Variants in ANK3 observed in about 807,000 individuals in gnomAD.
ANK3 encodes ankyrin-3.
In ANK3, 57 loss-of-function variants were observed where a neutral mutation model predicts 370.9. That is an observed-to-expected ratio of 0.15 (90% CI 0.12 to 0.19). The LOEUF (loss-of-function observed/expected upper bound fraction) is 0.19, where lower values mean the gene tolerates loss of function less well. Among genes scored for constraint, ANK3 ranks in the 10% least tolerant of loss-of-function variants. The pLI is 1.00. For synonymous variants in ANK3, 1,929 were observed against 1,946.3 expected, an observed-to-expected ratio of 0.99 and a Z score of 0.23; for missense variants, 4,439 against 5,302.1, an observed-to-expected ratio of 0.84 and a Z score of 5.06.
chr10:60,654,477 C>G (rs921568893), intron 1 of ANK3, among the ~76,000 whole-genome samples: 1 of 152,086 alleles, frequency 6.6e-6, no homozygotes, highest in Non-Finnish European at 1.5e-5. Context: ...TATTCCTTAT[C>G]TGTTGTGAGT....
chr10:60,246,844 C>T (rs1185064407), intron 7 of ANK3, among the ~76,000 whole-genome samples: 3 of 152,168 alleles, frequency 2.0e-5, no homozygotes, highest in African/African-American at 7.2e-5. Context: ...AAGATTCCCA[C>T]ACCTGCTTCT....
At chr10:60,202,688 C>T (rs2096703215) in intron 12 of ANK3, among the ~76,000 whole-genome samples, 1 of 152,152 alleles carries the variant, frequency 6.6e-6, no homozygotes, top group African/African-American at 2.4e-5. Flanking sequence ...AGGAGGATTG[C>T]TTGAAGCCAG....
At chr10:60,054,401 A>C (rs2078711254) in intron 42 of ANK3, among the ~76,000 whole-genome samples, 1 of 152,210 alleles carries the variant, frequency 6.6e-6, no homozygotes, top group Non-Finnish European at 1.5e-5. Flanking sequence ...ACTAAAACAA[A>C]ACCATTAATA....
intron 1 of ANK3, among the ~76,000 whole-genome samples, chr10:60,301,357 C>CACGCACAGATACACACACACACACAT (rs2043746296): frequency 6.9e-6 from 1 of 145,330 alleles, no homozygotes; most frequent in Non-Finnish European, 1.5e-5. Context: ...CACACACATG[C>CACGCACAGATACACACACACACACAT]ACGCACAGAT....
intron 28 of ANK3, among the ~76,000 whole-genome samples, chr10:60,099,387 C>A (rs1200904444): frequency 6.6e-6 from 1 of 152,198 alleles, no homozygotes; most frequent in Non-Finnish European, 1.5e-5. Context: ...TTGGTCTCTG[C>A]CCTCTTGGAC....
chr10:60,180,049 C>T (rs2096110340), intron 18 of ANK3, among the ~76,000 whole-genome samples: 1 of 152,062 alleles, frequency 6.6e-6, no homozygotes, highest in Admixed American at 6.6e-5. Context: ...AAGACATTTA[C>T]CATAAAGTTG....
chr10:60,382,467 C>G (rs190559323), intron 1 of ANK3, among the ~76,000 whole-genome samples: 7 of 152,174 alleles, frequency 4.6e-5, no homozygotes, highest in Non-Finnish European at 7.4e-5. Flanking sequence ...AAATTGAAAT[C>G]TATATATTTT....
chr10:60,431,541 AATT>A (rs1190107185), intron 2 of ANK3, among the ~76,000 whole-genome samples: 1 of 152,142 alleles, frequency 6.6e-6, no homozygotes, highest in African/African-American at 2.4e-5. Context: ...TATTTATCAT[AATT>A]ATTATTACCA....
At chr10:60,179,348 G>A (rs181142663) in intron 18 of ANK3, among the ~76,000 whole-genome samples, 124 of 152,318 alleles carry the variant, frequency 8.1e-4, no homozygotes, top group Admixed American at 2.9e-3. Context: ...GCTCTGCTCC[G>A]TTTGTAAAGG....
intron 2 of ANK3, among the ~76,000 whole-genome samples, chr10:60,478,077 C>T (rs10821769): frequency 0.38 from 57,533 of 151,756 alleles, 11,479 homozygotes; most frequent in Non-Finnish European, 0.45. Flanking sequence ...CAAACGGAAA[C>T]GGGGAGAATG....
intron 43 of ANK3, among the ~76,000 whole-genome samples, chr10:60,041,540 C>A (rs2076089800): frequency 6.6e-6 from 1 of 152,110 alleles, no homozygotes; most frequent in Non-Finnish European, 1.5e-5. Context: ...ATGATGAAGG[C>A]CTTATCCAAG....
chr10:60,044,829 T>C (rs1291176695), intron 42 of ANK3: 1 of 152,224 alleles, frequency 6.6e-6, no homozygotes, highest in Non-Finnish European at 1.5e-5. Context: ...TAAAAATTCA[T>C]TCACTAAAGA....
In ANK3 at chr10:60,105,843, C is replaced by G. The variant is rs1340327733; in HGVS notation, c.3328+62G>C. 4 of 1,494,572 alleles carry G rather than the reference C, an allele frequency of 2.7e-6. No homozygotes were observed. In the East Asian group the frequency reaches 9.7e-5, roughly 36 times the overall value. The allele number at this position is 1,494,572 out of a possible 1,614,324, so 92.6% of individuals were successfully genotyped here. ...AAATTCAGGTCCTGTTTCATGTAAT[C>G]TAGTCATTCCTTTAATTTCTGCCTG... On this transcript the variant is annotated intron_variant, in intron 28 of 43. Coordinates refer to ENST00000280772, the MANE Select transcript of ANK3 (RefSeq NM_020987.5).
chr10:60,085,610 CTT>C (rs10601268), intron 30 of ANK3, among the ~76,000 whole-genome samples: 4,113 of 109,612 alleles, frequency 0.038, 23 homozygotes, highest in Non-Finnish European at 0.054. Flanking sequence ...GTCTCTTACT[CTT>C]TTTTTTTTTT....
At chr10:60,277,859 G>A (rs2098113471) in intron 4 of ANK3, among the ~76,000 whole-genome samples, 1 of 152,176 alleles carries the variant, frequency 6.6e-6, no homozygotes, top group Non-Finnish European at 1.5e-5. Context: ...GTCAGCATTC[G>A]ACTGGAAGGA....
chr10:60,429,709 T>C (rs1293364269), intron 2 of ANK3, among the ~76,000 whole-genome samples: 1 of 152,174 alleles, frequency 6.6e-6, no homozygotes, highest in Non-Finnish European at 1.5e-5. Context: ...AGGTGCTTCC[T>C]CTATAAAAAT....
In ANK3 at chr10:60,086,832, G is replaced by C; in HGVS notation, c.3593C>G (p.Thr1198Ser). Residue 1198 changes from threonine (T) to serine (S), a missense_variant, in exon 30 of 44, where the codon ACT (threonine) becomes AGT (serine). Thr to Ser is a moderately conservative substitution (Grantham distance 58). Transcript: ENST00000280772. The stretch of plus-strand genomic sequence containing the variant: ...TTCCACAGTGACAATTGGGCTAAAA[G>C]TTGCTTTGTTTCCAAGGATCTTTTT... ...IVKKILGNKA[T>S]FSPIVTVEPR... 1 of 1,613,466 alleles carries C rather than the reference G, an allele frequency of 6.2e-7. No individual in the cohort carries two copies. The highest frequency in any genetic ancestry group is 8.5e-7 in the Non-Finnish European group (1 of 1,179,950).
At chr10:60,032,191 CTTCTTTTTTTTTTT>C (rs1442666779) in intron 43 of ANK3, among the ~76,000 whole-genome samples, 3 of 57,936 alleles carry the variant, frequency 5.2e-5, no homozygotes, top group Admixed American at 1.5e-4. Flanking sequence ...AAATACACAG[CTTCTTTTTTTTTTT>C]TTTTTTTTTT....
chr10:60,471,718 T>C (rs1205062293), intron 2 of ANK3, among the ~76,000 whole-genome samples: 1 of 152,086 alleles, frequency 6.6e-6, no homozygotes, highest in Admixed American at 6.6e-5. Context: ...TATAAGAAAT[T>C]AATAATTTTT....
Sources: allele counts gnomAD v4.1 joint callset (sites outside exome capture counted in the v4.1 genomes callset), GRCh38; gene constraint gnomAD v4.1.1; transcripts MANE v1.5; gene names NCBI Gene and HGNC (gene_info 2026-07-23, HGNC 2026-07-21).